The following NUP210L variants were observed in gnomAD, a reference collection of about 807,000 sequenced individuals.
NUP210L encodes nuclear pore membrane glycoprotein 210-like.
In NUP210L, 74 loss-of-function variants were observed where a neutral mutation model predicts 208.5. The ratio of observed to expected loss-of-function variants is 0.35; its 90% CI spans 0.29 to 0.43. NUP210L has a LOEUF of 0.43. NUP210L is among the 20% of genes least tolerant of loss of function. NUP210L has a pLI of 1.00. For missense variants in NUP210L, 1,843 were observed against 2,289.4 expected, an observed-to-expected ratio of 0.81 and a Z score of 3.98; for synonymous variants, 780 against 816.9, an observed-to-expected ratio of 0.95 and a Z score of 0.77.
In NUP210L at chr1:154,033,968, T is replaced by A. The variant is rs563521997; in HGVS notation, c.3697-3914A>T. ...AGATGGTGTCTAGCTCTGTCCCCCA[T>A]GCTGGAGTTCAATGGCATGATCTCA... On this transcript the variant is annotated intron_variant, in intron 27 of 39. Transcript: ENST00000368559. Among the ~76,000 whole-genome samples the A allele has an allele frequency of 5.3e-5, 8 of 152,156 alleles. No homozygotes were observed. In the South Asian group the frequency reaches 1.5e-3, roughly 28 times the overall value.
rs1558004612 is a variant in NUP210L at position 154,138,257 on chromosome 1, G to GT, written c.718-20_718-19insA. 8 of 1,327,036 alleles carry GT rather than the reference G, an allele frequency of 6.0e-6. No individual in the cohort carries two copies. The highest frequency in any genetic ancestry group is 4.7e-5 in the South Asian group (3 of 63,406). The allele number at this position is 1,327,036 out of a possible 1,614,324, so 82.2% of individuals were successfully genotyped here. A position where few individuals can be genotyped will look rare whatever the true frequency, so the allele number is the denominator to read the frequency against. Reference sequence around the variant, plus strand: ...CCACTTTCTAAAAGAGGGAGGGAAGGAAAAAAAAAAACAGTTTCCATGGAC... The same window carrying GT: ...CCACTTTCTAAAAGAGGGAGGGAAGGTAAAAAAAAAAACAGTTTCCATGGAC... On this transcript the variant is annotated intron_variant, in intron 5 of 39. Transcript: ENST00000368559.
exon 17 of NUP210L, chr1:154,070,298 A>G (rs1283816000): frequency 1.2e-6 from 2 of 1,609,868 alleles, no homozygotes; most frequent in Non-Finnish European, 1.7e-6. Flanking sequence ...GCCCACTGCC[A>G]TCATCTTTTG....
intron 25 of NUP210L, among the ~76,000 whole-genome samples, chr1:154,052,736 C>T (rs1030390235): frequency 2.0e-5 from 3 of 152,152 alleles, no homozygotes; most frequent in African/African-American, 4.8e-5. Flanking sequence ...AAAACCTATT[C>T]GTAAACAGAA....
chr1:154,106,396 T>C (rs1457685876), intron 12 of NUP210L, among the ~76,000 whole-genome samples: 1 of 152,196 alleles, frequency 6.6e-6, no homozygotes, highest in Non-Finnish European at 1.5e-5. Context: ...GGCTCCTGAA[T>C]AGAATTTCTG....
chr1:154,111,611 C>A (rs775907977), intron 12 of NUP210L, among the ~76,000 whole-genome samples: 4 of 151,404 alleles, frequency 2.6e-5, no homozygotes, highest in Non-Finnish European at 5.9e-5. Flanking sequence ...CCTGAAAAGA[C>A]TAATAACAAG....
At chr1:154,129,006 A>C (rs902059126) in intron 8 of NUP210L, among the ~76,000 whole-genome samples, 4 of 152,216 alleles carry the variant, frequency 2.6e-5, no homozygotes, top group African/African-American at 9.6e-5. Context: ...ATGAGCGTTA[A>C]GATTCTTTTT....
chr1:154,095,277 G>A (rs903518784), intron 14 of NUP210L, 121 bp from the exon 15 acceptor site: 2 of 721,980 alleles, frequency 2.8e-6, no homozygotes, highest in Admixed American at 5.1e-5. Context: ...CAAATTAAGA[G>A]ATATGTATGC....
rs562205640 is a variant in NUP210L, at chr1:154,080,641, C to A, written c.2361+8780G>T. On this transcript the variant is annotated intron_variant, in intron 16 of 39. Coordinates refer to ENST00000368559, the Ensembl canonical transcript of NUP210L. The stretch of plus-strand genomic sequence containing the variant: ...CAGAGGTTGCAGGGAGCAGAGATGG[C>A]ACCACTGCACTCCAGCCTAAGCGAC... 2.0e-5 allele frequency among the ~76,000 whole-genome samples: 3 copies of A among 151,124 alleles called. No homozygotes were observed. In the South Asian group the frequency reaches 6.3e-4, roughly 32 times the overall value.
chr1:154,013,392 G>A (rs1169790574), intron 33 of NUP210L, among the ~76,000 whole-genome samples: 2 of 151,978 alleles, frequency 1.3e-5, no homozygotes, highest in Admixed American at 6.6e-5. Flanking sequence ...TGGCCAGCAT[G>A]GCGAAACCTC....
chr1:154,089,391 A>G, intron 16 of NUP210L, 30 bp downstream of exon 16: 1 of 1,591,932 alleles, frequency 6.3e-7, no homozygotes, highest in Non-Finnish European at 8.6e-7. Context: ...TAAAAGTGCC[A>G]ACTTAGTTGG....
At chr1:154,121,757 C>A (rs1029677032) in intron 10 of NUP210L, among the ~76,000 whole-genome samples, 3 of 151,762 alleles carry the variant, frequency 2.0e-5, no homozygotes, top group Admixed American at 6.6e-5. Context: ...ATCCCAGCTA[C>A]TCGGGAGGCT....
rs143595786 is a variant in NUP210L, at chr1:154,070,188, C to T, written c.2554+85G>A. ...CACGTTGTGCACATGTACCCTAGAA[C>T]TTAAAGCAAAAAACAAAACAAAACA... On this transcript the variant is annotated intron_variant, in intron 17 of 39. Transcript: ENST00000368559. The T allele has an allele frequency of 6.6e-3, 7,588 of 1,157,948 alleles. 383 individuals are homozygous for T. The Admixed American group carries it at 0.11, about 17-fold the overall frequency. The allele number at this position is 1,157,948 out of a possible 1,614,324, so 71.7% of individuals were successfully genotyped here. A position where few individuals can be genotyped will look rare whatever the true frequency, so the allele number is the denominator to read the frequency against.
exon 14 of NUP210L, chr1:154,100,130 A>G (rs769767064): frequency 5.0e-6 from 8 of 1,614,116 alleles, no homozygotes; most frequent in Non-Finnish European, 5.9e-6. Flanking sequence ...GCATTGGTCC[A>G]GGTCTTTGAA....
At chr1:154,107,755 A>T (rs1360842658) in intron 12 of NUP210L, among the ~76,000 whole-genome samples, 2 of 152,138 alleles carry the variant, frequency 1.3e-5, no homozygotes, top group Non-Finnish European at 2.9e-5. Flanking sequence ...AATCCCAGCT[A>T]CTTGGGAGGC....
At chr1:154,030,338 C>T (rs952557624) in intron 27 of NUP210L, among the ~76,000 whole-genome samples, 1 of 152,020 alleles carries the variant, frequency 6.6e-6, no homozygotes, top group Non-Finnish European at 1.5e-5. Flanking sequence ...TAAAAATTCA[C>T]TCAGCCTGGA....
At chr1:154,053,106 G>A (rs1653617525) in intron 25 of NUP210L, among the ~76,000 whole-genome samples, 1 of 152,142 alleles carries the variant, frequency 6.6e-6, no homozygotes, top group East Asian at 1.9e-4. Context: ...GCATCTAGAA[G>A]GACACTCTGC....
At chr1:154,111,988 C>A (rs779995032) in intron 12 of NUP210L, among the ~76,000 whole-genome samples, 1 of 151,416 alleles carries the variant, frequency 6.6e-6, no homozygotes, top group African/African-American at 2.5e-5. Flanking sequence ...AGTGCAATGG[C>A]GCGATCTCAG....
chr1:154,057,017 C>A, intron 22 of NUP210L, 70 bp from the exon 23 acceptor site: 1 of 1,526,056 alleles, frequency 6.6e-7, no homozygotes, highest in South Asian at 1.2e-5. Context: ...CTTACTCTGT[C>A]GCCCAGGCTG....
In NUP210L at chr1:154,056,507, A is replaced by T. The variant is rs200269602; in HGVS notation, c.3240+308T>A. 7.3e-5 allele frequency among the ~76,000 whole-genome samples: 11 copies of T among 151,644 alleles called. No individual in the cohort carries two copies. In the East Asian group the frequency reaches 2.2e-3, roughly 30 times the overall value. On this transcript the variant is annotated intron_variant, in intron 23 of 39. Coordinates refer to ENST00000368559, the Ensembl canonical transcript of NUP210L. ...ACAGCTCACTGCAGCCTCAACCTCC[A>T]GGGCTCAAGTGATCCTCCTACTTTA...
Sources: gnomAD v4.1 joint callset for allele counts (sites outside exome capture counted in the v4.1 genomes callset) on GRCh38, gnomAD v4.1.1 for gene constraint, MANE v1.5 for transcripts, NCBI Gene and HGNC (gene_info 2026-07-23, HGNC 2026-07-21) for gene names.